The following ZNF704 variants were observed in gnomAD, a reference collection of about 807,000 sequenced individuals.
The protein encoded by ZNF704 is zinc finger protein 704.
In ZNF704, 10 loss-of-function variants were observed where a neutral mutation model predicts 44.7. The observed-to-expected ratio is 0.22, with a 90% CI of 0.14 to 0.38. The LOEUF (loss-of-function observed/expected upper bound fraction) is 0.38, where lower values mean the gene tolerates loss of function less well. ZNF704 is among the 10% of genes least tolerant of loss of function. The pLI, the probability that ZNF704 is intolerant of heterozygous loss-of-function variation, is 1.00. For missense variants in ZNF704, 390 were observed against 545.5 expected, an observed-to-expected ratio of 0.71 and a Z score of 2.84; for synonymous variants, 211 against 207.6, an observed-to-expected ratio of 1.02 and a Z score of -0.14.
chr8:80,838,524 G>A (rs1808619653), intron 1 of ZNF704, among the ~76,000 whole-genome samples: 2 of 151,604 alleles, frequency 1.3e-5, no homozygotes, highest in South Asian at 4.2e-4. Flanking sequence ...CAGGCCACAT[G>A]CACACAAGAA....
chr8:80,878,155 G>T (rs1037361000), upstream of ZNF704, among the ~76,000 whole-genome samples: 1 of 151,960 alleles, frequency 6.6e-6, no homozygotes, highest in Non-Finnish European at 1.5e-5. Context: ...GCTCCTGTCT[G>T]GTTTCTTCAG....
intron 2 of ZNF704, among the ~76,000 whole-genome samples, chr8:80,760,671 A>C (rs1056642451): frequency 7.9e-5 from 12 of 151,542 alleles, no homozygotes; most frequent in Admixed American, 1.3e-4. Flanking sequence ...AAAAAAAAAA[A>C]AAACCAAAAA....
intron 1 of ZNF704, among the ~76,000 whole-genome samples, chr8:80,857,010 T>G (rs961999638): frequency 6.6e-6 from 1 of 152,172 alleles, no homozygotes; most frequent in East Asian, 1.9e-4. Flanking sequence ...TATTTAGGTC[T>G]TTGCTCTCTC....
chr8:80,780,203 GAAGA>G (rs1403816177), intron 2 of ZNF704, among the ~76,000 whole-genome samples: 4 of 152,088 alleles, frequency 2.6e-5, no homozygotes, highest in Non-Finnish European at 5.9e-5. Flanking sequence ...ATGGAGGGAA[GAAGA>G]AAGAGAAAGA....
intron 2 of ZNF704, among the ~76,000 whole-genome samples, chr8:80,741,560 T>A (rs1313343836): frequency 6.6e-6 from 1 of 152,198 alleles, no homozygotes; most frequent in African/African-American, 2.4e-5. Flanking sequence ...AACAGCATAC[T>A]CACTGCTAAA....
Position 80,849,162 on chromosome 8 carries a change from AG to A in ZNF704, c.-22+25408del, listed in dbSNP as rs778705725. 3.9e-5 allele frequency among the ~76,000 whole-genome samples: 6 copies of A among 152,338 alleles called. No individual in the cohort carries two copies. In the East Asian group the frequency reaches 5.8e-4, roughly 15 times the overall value. ...AATAAGAACTCAGTGAAAAATGCATAGACTTGTTTCTCACCAAATTCTACTG... is the reference window on the plus strand; with the variant it reads ...AATAAGAACTCAGTGAAAAATGCATAACTTGTTTCTCACCAAATTCTACTG... On this transcript the variant is annotated intron_variant, in intron 1 of 8. Coordinates refer to ENST00000327835, the MANE Select transcript of ZNF704 (RefSeq NM_001033723.3).
At chr8:80,854,441 C>T (rs1808923918) in intron 1 of ZNF704, among the ~76,000 whole-genome samples, 3 of 152,158 alleles carry the variant, frequency 2.0e-5, no homozygotes, top group Non-Finnish European at 4.4e-5. Flanking sequence ...ACTCACTGGG[C>T]ACTGTACTGC....
intron 7 of ZNF704, chr8:80,645,085 T>C (rs549318897): frequency 2.1e-5 from 32 of 1,544,020 alleles, no homozygotes; most frequent in Non-Finnish European, 2.9e-5. Flanking sequence ...GGGACCAGCT[T>C]GGCTATGTCC....
At chr8:80,872,766 G>A (rs914977525) in intron 1 of ZNF704, among the ~76,000 whole-genome samples, 2 of 152,180 alleles carry the variant, frequency 1.3e-5, no homozygotes, top group Non-Finnish European at 2.9e-5. Context: ...CGGCGCTTCA[G>A]TGTACAGGGG....
chr8:80,677,805 G>A (rs1424322478), intron 4 of ZNF704, among the ~76,000 whole-genome samples: 1 of 152,142 alleles, frequency 6.6e-6, no homozygotes, highest in Non-Finnish European at 1.5e-5. Context: ...CCACATTTGG[G>A]ATATCTTAAT....
intron 2 of ZNF704, among the ~76,000 whole-genome samples, chr8:80,726,263 CAT>C (rs142372502): frequency 0.011 from 1,687 of 152,124 alleles, 10 homozygotes; most frequent in Admixed American, 0.018. Flanking sequence ...AATATCAACA[CAT>C]GTGTTTTTTA....
chr8:80,691,884 A>G (rs1818642710), intron 3 of ZNF704, among the ~76,000 whole-genome samples: 1 of 152,140 alleles, frequency 6.6e-6, no homozygotes, highest in African/African-American at 2.4e-5. Flanking sequence ...CCCCTTGCTG[A>G]AGCACACCAA....
At chr8:80,844,603 C>G (rs975895744) in intron 1 of ZNF704, among the ~76,000 whole-genome samples, 1 of 152,138 alleles carries the variant, frequency 6.6e-6, no homozygotes, top group Non-Finnish European at 1.5e-5. Context: ...GTGGCTTTAC[C>G]ATTACACTCT....
chr8:80,666,775 G>C (rs1818201413), intron 5 of ZNF704, among the ~76,000 whole-genome samples: 2 of 150,192 alleles, frequency 1.3e-5, no homozygotes, highest in Non-Finnish European at 3.0e-5. Flanking sequence ...TTTGAGAAGT[G>C]TCTGTTCATG....
intron 2 of ZNF704, among the ~76,000 whole-genome samples, chr8:80,819,075 G>A (rs1444743337): frequency 6.6e-6 from 1 of 152,036 alleles, no homozygotes; most frequent in Non-Finnish European, 1.5e-5. Flanking sequence ...AAGTATATTA[G>A]TAGATACCCC....
intron 2 of ZNF704, among the ~76,000 whole-genome samples, chr8:80,783,919 C>A (rs1328585527): frequency 6.6e-6 from 1 of 152,154 alleles, no homozygotes; most frequent in Non-Finnish European, 1.5e-5. Flanking sequence ...AACCACTGAT[C>A]TTTTTACTGT....
chr8:80,797,000 G>GAAGGAAGGAAGC (rs371845079), intron 2 of ZNF704, among the ~76,000 whole-genome samples: 5 of 148,062 alleles, frequency 3.4e-5, no homozygotes, highest in African/African-American at 1.3e-4. Context: ...AGGAAGGAAG[G>GAAGGAAGGAAGC]AAGCAAGCAA....
rs937118678 is a variant in ZNF704, at chr8:80,631,608, C to T, written c.*9758G>A. On this transcript the variant is annotated 3_prime_UTR_variant, in exon 9 of 9. Coordinates refer to ENST00000327835, the MANE Select transcript of ZNF704 (RefSeq NM_001033723.3). ...CTGGTTCTGATCACTCTATTAGCCT[C>T]GCACGTGGAGAGGACCGGTAGGGTT... 3.3e-5 allele frequency: 5 copies of T among 152,214 alleles called. No homozygotes were observed. The highest frequency in any genetic ancestry group is 6.5e-5 in the Admixed American group (1 of 15,284). The allele number at this position is 152,214 out of a possible 1,614,324, so 9.4% of individuals were successfully genotyped here.
intron 2 of ZNF704, among the ~76,000 whole-genome samples, chr8:80,727,855 CG>C (rs1220436513): frequency 6.6e-6 from 1 of 152,084 alleles, no homozygotes; most frequent in African/African-American, 2.4e-5. Flanking sequence ...TCAAGGGTGT[CG>C]TGGGAAACAT....
Sources: allele counts gnomAD v4.1 joint callset (sites outside exome capture counted in the v4.1 genomes callset), GRCh38; gene constraint gnomAD v4.1.1; transcripts MANE v1.5; gene names NCBI Gene and HGNC (gene_info 2026-07-23, HGNC 2026-07-21).